EPHA5: variants seen among roughly 807,000 people sequenced by gnomAD.
EPHA5 encodes EPH receptor A5, also known as ephrin type-A receptor 5.
In EPHA5, 60 loss-of-function variants were observed where a neutral mutation model predicts 105.0. The ratio of observed to expected loss-of-function variants is 0.57; its 90% CI spans 0.46 to 0.71. EPHA5 has a LOEUF of 0.71. Among genes scored for constraint, EPHA5 ranks in the 30% least tolerant of loss-of-function variants. The pLI is 0.00. For missense variants in EPHA5, 1,218 were observed against 1,274.7 expected (o/e 0.96, Z 0.68); for synonymous variants, 513 against 449.1 (o/e 1.14, Z -1.80).
At chr4:65,467,854 G>C (rs1487941212) in intron 5 of EPHA5, among the ~76,000 whole-genome samples, 1 of 152,082 alleles carries the variant, frequency 6.6e-6, no homozygotes, top group African/African-American at 2.4e-5. Context: ...TGAAGAGGGG[G>C]GCTGAAGATG....
intron 3 of EPHA5, among the ~76,000 whole-genome samples, chr4:65,598,067 A>C (rs1040867680): frequency 6.6e-6 from 1 of 152,222 alleles, no homozygotes; most frequent in African/African-American, 2.4e-5. Context: ...TTCAAACTTT[A>C]GCTTCTCAAT....
intron 2 of EPHA5, among the ~76,000 whole-genome samples, chr4:65,641,745 T>C (rs150772031): frequency 1.7e-3 from 262 of 152,162 alleles, no homozygotes; most frequent in African/African-American, 5.9e-3. Flanking sequence ...TACACTATGT[T>C]GAAGGAAACA....
In EPHA5 at chr4:65,365,930, A is replaced by G. The variant is rs1178830162; in HGVS notation, c.1987+2T>C. On this transcript the variant is annotated splice_donor_variant, in intron 10 of 16. Coordinates refer to ENST00000613740, the MANE Select transcript of EPHA5 (RefSeq NM_001281766.3). LOFTEE classifies it high-confidence loss of function. ...AAATGAAAGTCAAACACATTGTCGT[A>G]CCTGCTCCAATAACTCTCTCAATGG... 6 of 1,605,682 alleles carry G rather than the reference A, an allele frequency of 3.7e-6. No individual in the cohort carries two copies. In the Admixed American group the frequency reaches 1.0e-4, roughly 27 times the overall value.
intron 5 of EPHA5, among the ~76,000 whole-genome samples, chr4:65,464,178 G>C (rs1457215640): frequency 1.3e-5 from 2 of 151,710 alleles, no homozygotes; most frequent in East Asian, 3.9e-4. Flanking sequence ...TTTATTTTGG[G>C]AAGTGTAGGA....
At chr4:65,463,263 G>T (rs1223455788) in intron 5 of EPHA5, among the ~76,000 whole-genome samples, 1 of 152,000 alleles carries the variant, frequency 6.6e-6, no homozygotes, top group Non-Finnish European at 1.5e-5. Flanking sequence ...CTTTAATTGG[G>T]TATTTAATAG....
At chr4:65,341,153 C>T (rs1721679200) in intron 14 of EPHA5, among the ~76,000 whole-genome samples, 1 of 152,040 alleles carries the variant, frequency 6.6e-6, no homozygotes, top group Non-Finnish European at 1.5e-5. Context: ...CTAGATTAGC[C>T]TATGGATTAT....
chr4:65,325,300 T>A (rs1314159230), intron 16 of EPHA5, among the ~76,000 whole-genome samples: 2 of 151,428 alleles, frequency 1.3e-5, no homozygotes, highest in African/African-American at 4.8e-5. Context: ...GTTCTTTGAA[T>A]TCAAAGAAAC....
chr4:65,411,982 A>T (rs1722954398), intron 7 of EPHA5, among the ~76,000 whole-genome samples: 1 of 152,218 alleles, frequency 6.6e-6, no homozygotes, highest in African/African-American at 2.4e-5. Flanking sequence ...TAATCCCAGC[A>T]CTTTGGGAGG....
chr4:65,432,219 G>A (rs911678809), intron 5 of EPHA5, among the ~76,000 whole-genome samples: 1 of 152,124 alleles, frequency 6.6e-6, no homozygotes, highest in Non-Finnish European at 1.5e-5. Context: ...GAGGAATTGA[G>A]GCAAGTGAAA....
chr4:65,475,171 C>T (rs1578201033), intron 5 of EPHA5, among the ~76,000 whole-genome samples: 1 of 152,144 alleles, frequency 6.6e-6, no homozygotes, highest in East Asian at 1.9e-4. Context: ...ATTTTATTAG[C>T]CTTTATTATT....
intron 14 of EPHA5, among the ~76,000 whole-genome samples, chr4:65,347,748 G>T (rs1722356646): frequency 1.3e-5 from 2 of 152,050 alleles, no homozygotes; most frequent in Non-Finnish European, 2.9e-5. Flanking sequence ...TTCATTCTTT[G>T]ATGGCTCTTT....
chr4:65,576,452 A>G (rs1023892276), intron 3 of EPHA5, among the ~76,000 whole-genome samples: 1 of 152,234 alleles, frequency 6.6e-6, no homozygotes, highest in African/African-American at 2.4e-5. Context: ...GGTGGTAGAT[A>G]AAAGAATGTT....
At chr4:65,660,388 G>T (rs898336483) in intron 1 of EPHA5, among the ~76,000 whole-genome samples, 17 of 152,066 alleles carry the variant, frequency 1.1e-4, no homozygotes, top group African/African-American at 4.1e-4. Flanking sequence ...ATGTGTATAT[G>T]AATTCCTTTT....
chr4:65,510,050 T>C (rs557959498), intron 3 of EPHA5, among the ~76,000 whole-genome samples: 358 of 132,200 alleles, frequency 2.7e-3, no homozygotes, highest in African/African-American at 9.9e-3. Flanking sequence ...TTTTTTTTTT[T>C]CGAGATGGAG....
At chr4:65,565,223 A>C (rs1470692259) in intron 3 of EPHA5, among the ~76,000 whole-genome samples, 1 of 151,704 alleles carries the variant, frequency 6.6e-6, no homozygotes, top group Non-Finnish European at 1.5e-5. Context: ...AATGGTGACC[A>C]ATTTGCTAAT....
rs551222491 is a variant in EPHA5 at position 65,404,367 on chromosome 4, C to G, written c.1793+7G>C. 5.6e-6 allele frequency: 9 copies of G among 1,611,458 alleles called. No homozygotes were observed. The South Asian group carries it at 9.9e-5, about 18-fold the overall frequency. On this transcript the variant is annotated splice_region_variant and intron_variant, in intron 8 of 16. Coordinates refer to ENST00000613740, the MANE Select transcript of EPHA5 (RefSeq NM_001281766.3). ...CAGAACTTCAGAATCACAGCTTCCT[C>G]TCTTACCTTCCACTGAGGAGGACGC...
chr4:65,531,015 A>C (rs898521411), intron 3 of EPHA5, among the ~76,000 whole-genome samples: 347 of 107,256 alleles, frequency 3.2e-3, no homozygotes, highest in African/African-American at 8.2e-3. Context: ...TATTTTTTTT[A>C]TTTTTTTTAT....
chr4:65,546,723 A>G (rs1469166748), intron 3 of EPHA5, among the ~76,000 whole-genome samples: 6 of 152,202 alleles, frequency 3.9e-5, no homozygotes, highest in South Asian at 4.1e-4. Context: ...TAGTAAGAGC[A>G]ATTTACAATG....
At chr4:65,467,341 C>A (rs950322841) in intron 5 of EPHA5, among the ~76,000 whole-genome samples, 1 of 152,146 alleles carries the variant, frequency 6.6e-6, no homozygotes, top group African/African-American at 2.4e-5. Context: ...AATTCTCCAC[C>A]CCTGTCAATT....
Sources: allele counts gnomAD v4.1 joint callset (sites outside exome capture counted in the v4.1 genomes callset), GRCh38; gene constraint gnomAD v4.1.1; transcripts MANE v1.5; gene names NCBI Gene and HGNC (gene_info 2026-07-23, HGNC 2026-07-21).